Variants in LMO1 observed in about 807,000 individuals in gnomAD.
LMO1 encodes the protein rhombotin-1.
LMO1 carries 10 observed loss-of-function variants against 18.0 expected under a neutral mutation model. The observed-to-expected ratio is 0.55, with a 90% confidence interval of 0.34 to 0.94. The LOEUF is 0.94. Among genes scored for constraint, LMO1 ranks in the 40% least tolerant of loss-of-function variants. The pLI is 0.02. For missense variants in LMO1, 183 were observed against 205.7 expected (o/e 0.89, Z 0.68); for synonymous variants, 77 against 77.9 (o/e 0.99, Z 0.06).
intron 1 of LMO1, among the ~76,000 whole-genome samples, chr11:8,231,784 T>C (rs931747612): frequency 1.3e-5 from 2 of 152,004 alleles, no homozygotes; most frequent in African/African-American, 4.8e-5. Context: ...TCCCCTGGTG[T>C]CCCTCCCATT....
chr11:8,234,772 C>A (rs1342778469), intron 1 of LMO1, among the ~76,000 whole-genome samples: 1 of 152,198 alleles, frequency 6.6e-6, no homozygotes, highest in African/African-American at 2.4e-5. Context: ...CACAGCTCCT[C>A]TCCCTCCCGC....
At chr11:8,268,538 C>T (rs970398982), upstream of LMO1, 6 of 1,139,006 alleles carry the variant, frequency 5.3e-6, no homozygotes, top group African/African-American at 8.1e-5. Flanking sequence ...GCTGCTCCCG[C>T]CGGCCCCGCG....
chr11:8,236,425 C>T (rs1421181312), intron 1 of LMO1, among the ~76,000 whole-genome samples: 1 of 151,278 alleles, frequency 6.6e-6, no homozygotes, highest in Non-Finnish European at 1.5e-5. Flanking sequence ...AGGCTGGTCT[C>T]GAACTCCTGG....
At chr11:8,235,455 C>T (rs1952746185) in intron 1 of LMO1, among the ~76,000 whole-genome samples, 2 of 152,240 alleles carry the variant, frequency 1.3e-5, no homozygotes, top group Non-Finnish European at 2.9e-5. Flanking sequence ...CATTCTCTTA[C>T]ATAACCACAG....
chr11:8,231,193 TG>T (rs1190288306), intron 1 of LMO1, among the ~76,000 whole-genome samples: 1 of 152,222 alleles, frequency 6.6e-6, no homozygotes, highest in Non-Finnish European at 1.5e-5. Flanking sequence ...TCTGAGCCTC[TG>T]GATCCTTCCT....
chr11:8,237,654 G>T (rs530739934), intron 1 of LMO1, among the ~76,000 whole-genome samples: 1 of 152,380 alleles, frequency 6.6e-6, no homozygotes, highest in African/African-American at 2.4e-5. Context: ...GAGGGAGAGA[G>T]GCAGGGGCTC....
In LMO1 at chr11:8,224,772, A is replaced by C. The variant is rs1005094415; in HGVS notation, c.366-51T>G. 3.6e-5 allele frequency: 45 copies of C among 1,240,746 alleles called. 1 individual carries two copies. The highest frequency in any genetic ancestry group is 3.0e-5 in the Non-Finnish European group (26 of 867,656). 76.9% of individuals were successfully genotyped at this position (1,240,746 alleles called of 1,614,324 possible). On this transcript the variant is annotated intron_variant, in intron 3 of 3. Transcript: ENST00000335790. ...AGCCATGGGAAGGTCCCAGTGGGTA[A>C]GGGGGGGGCTGCAGACAGAAGCCGG...
chr11:8,268,053 T>C (rs1431814890), upstream of LMO1, among the ~76,000 whole-genome samples: 1 of 152,232 alleles, frequency 6.6e-6, no homozygotes, highest in Non-Finnish European at 1.5e-5. Flanking sequence ...GCTGGGAGAC[T>C]GGCTGGCAGT....
At chr11:8,249,454 T>C (rs1277809499) in intron 1 of LMO1, among the ~76,000 whole-genome samples, 1 of 152,226 alleles carries the variant, frequency 6.6e-6, no homozygotes, top group African/African-American at 2.4e-5. Flanking sequence ...AATTTGAGCA[T>C]GAGTCTTGCT....
chr11:8,229,517 C>T (rs963280446), intron 2 of LMO1, among the ~76,000 whole-genome samples: 4 of 152,226 alleles, frequency 2.6e-5, no homozygotes, highest in African/African-American at 9.6e-5. Context: ...GGGTCTCAGC[C>T]AAGGCCCTGC....
chr11:8,247,087 G>A (rs1846907690), intron 1 of LMO1, among the ~76,000 whole-genome samples: 1 of 152,154 alleles, frequency 6.6e-6, no homozygotes, highest in Non-Finnish European at 1.5e-5. Flanking sequence ...TGTCTTCCCA[G>A]GTCTCTCTTT....
intron 1 of LMO1, among the ~76,000 whole-genome samples, chr11:8,232,901 G>T (rs1952694008): frequency 6.6e-6 from 1 of 152,180 alleles, no homozygotes; most frequent in South Asian, 2.1e-4. Flanking sequence ...GGTCTTCCGA[G>T]CTCAGACCCC....
chr11:8,245,555 T>C (rs558281022), intron 1 of LMO1, among the ~76,000 whole-genome samples: 1 of 152,202 alleles, frequency 6.6e-6, no homozygotes, highest in South Asian at 2.1e-4. Context: ...ACTTCATAGA[T>C]CAGAAAACTG....
chr11:8,263,311 G>C, intron 1 of LMO1, 27 bp downstream of exon 1: 2 of 1,594,236 alleles, frequency 1.3e-6, no homozygotes, highest in Non-Finnish European at 1.7e-6. Context: ...GGGGTGAGGG[G>C]CGTCGAGACC....
rs1408805110 is a variant in LMO1, at chr11:8,230,430, G to T, written c.100C>A (p.Arg34Ser). 1.2e-6 allele frequency: 2 copies of T among 1,614,048 alleles called. No individual in the cohort carries two copies. Among genetic ancestry groups the T allele is most frequent in the African/African-American group, 1.3e-5 (1 of 75,042 alleles). Reference protein sequence around the residue: ...CAGCNRKIKDRYLLKALDKYW... With the variant: ...CAGCNRKIKDSYLLKALDKYW... ...TTGTCCAATGCCTTCAGCAGATAGCGGTCCTTGATCTTGCGGTTACAGCCC... is the reference window on the plus strand; with the variant it reads ...TTGTCCAATGCCTTCAGCAGATAGCTGTCCTTGATCTTGCGGTTACAGCCC... The change falls in exon 2 of 4, where the codon CGC becomes AGC. Residue 34 changes from arginine to serine, a missense_variant. By Grantham distance (110) the Arg-to-Ser change is moderately radical. Coordinates refer to ENST00000335790, the MANE Select transcript of LMO1 (RefSeq NM_002315.3).
At chr11:8,250,385 T>C (rs947670147) in intron 1 of LMO1, among the ~76,000 whole-genome samples, 1 of 152,276 alleles carries the variant, frequency 6.6e-6, no homozygotes, top group Admixed American at 6.5e-5. Flanking sequence ...TTTTTGAGAA[T>C]AATATCTCAA....
intron 1 of LMO1, among the ~76,000 whole-genome samples, chr11:8,259,727 G>A (rs2134585356): frequency 6.6e-6 from 1 of 152,296 alleles, no homozygotes; most frequent in Middle Eastern, 3.4e-3. Flanking sequence ...TCTAGAACAT[G>A]AGTGTCTATC....
chr11:8,231,286 AG>A (rs1565176841), intron 1 of LMO1, among the ~76,000 whole-genome samples: 1 of 152,180 alleles, frequency 6.6e-6, no homozygotes, highest in East Asian at 1.9e-4. Flanking sequence ...ACAGGCACCA[AG>A]TACAAAGGGC....
At chr11:8,255,888 G>C (rs4758055) in intron 1 of LMO1, among the ~76,000 whole-genome samples, 69,338 of 144,144 alleles carry the variant, frequency 0.48, 16,865 homozygotes, top group Middle Eastern at 0.63. Flanking sequence ...TGCAGTGGCG[G>C]GATCTCGGCT....
Sources: allele counts gnomAD v4.1 joint callset (sites outside exome capture counted in the v4.1 genomes callset), GRCh38; gene constraint gnomAD v4.1.1; transcripts MANE v1.5; gene names NCBI Gene and HGNC (gene_info 2026-07-23, HGNC 2026-07-21).